ZNF512B: variants seen among roughly 807,000 people sequenced by gnomAD.
ZNF512B encodes the protein zinc finger protein 512B.
Under a neutral mutation model 87.8 loss-of-function variants are expected in ZNF512B, and 22 were observed. That is an observed-to-expected ratio of 0.25 (90% CI 0.18 to 0.36). The LOEUF (loss-of-function observed/expected upper bound fraction) is 0.36. ZNF512B is among the 10% of genes least tolerant of loss of function. The pLI is 1.00. For missense variants in ZNF512B, 1,060 were observed against 1,231.6 expected, an observed-to-expected ratio of 0.86 and a Z score of 2.09; for synonymous variants, 524 against 490.9, an observed-to-expected ratio of 1.07 and a Z score of -0.89.
chr20:63,967,937 A>G lies in ZNF512B; in HGVS notation c.14T>C (p.Phe5Ser), dbSNP rs778794485. Residue 5 changes from phenylalanine (F) to serine (S), a missense_variant, in exon 2 of 17, where the codon TTC becomes TCC. Physicochemically the swap from Phe to Ser is radical, Grantham distance 155 (BLOSUM62 -2). This residue lies in a region of ZNF512B where 134 missense variants were observed against 153.6 expected (regional missense o/e 0.87). Transcript: ENST00000369888. MTDP[F>S]CVGGRRLPGS... ...CGGGAGCCGACGGCCTCCAACGCAG[A>G]AAGGATCCGTCATCTCTGCAGAGCA... is the stretch of plus-strand genomic sequence containing the variant. 8 of 1,610,926 alleles carry G rather than the reference A, an allele frequency of 5.0e-6. No individual in the cohort carries two copies. The highest frequency in any genetic ancestry group is 5.9e-6 in the Non-Finnish European group (7 of 1,178,422).
At chr20:63,962,425 C>G in intron 13 of ZNF512B, 51 bp from the exon 14 acceptor site, 2 of 1,575,952 alleles carry the variant, frequency 1.3e-6, no homozygotes, top group Non-Finnish European at 1.7e-6. Context: ...GACACCCCAG[C>G]TGCTCTAAGA....
At position 63,961,160 on chromosome 20, in the gene ZNF512B, G is replaced by C. The variant is rs1397834679; in HGVS notation, c.2427+149C>G. ...GGGAAGCCAGACCCCACTTTGAGGAGAAACTACCAGATTTCTCCACATTGG... is the reference window on the plus strand; with the variant it reads ...GGGAAGCCAGACCCCACTTTGAGGACAAACTACCAGATTTCTCCACATTGG... On this transcript the variant is annotated intron_variant, in intron 16 of 16. Coordinates refer to ENST00000369888, the MANE Select transcript of ZNF512B (RefSeq NM_020713.3). The surrounding 1 kb of genome is among the most constrained non-coding windows in gnomAD (Gnocchi z 6.4). 9.8e-6 allele frequency: 7 copies of C among 714,436 alleles called. No individual in the cohort carries two copies. The highest frequency in any genetic ancestry group is 1.4e-5 in the Non-Finnish European group (6 of 422,176). 44.3% of individuals were successfully genotyped at this position (714,436 alleles called of 1,614,324 possible).
chr20:63,958,406 G>T lies in ZNF512B; in HGVS notation c.*1482C>A, dbSNP rs1484012082. 1.3e-5 allele frequency: 2 copies of T among 152,404 alleles called. No individual in the cohort carries two copies. The highest frequency in any genetic ancestry group is 2.4e-5 in the African/African-American group (1 of 41,440). 9.4% of individuals were successfully genotyped at this position (152,404 alleles called of 1,614,324 possible). On this transcript the variant is annotated 3_prime_UTR_variant, in exon 17 of 17. Transcript: ENST00000369888. ...GTATAAAAAACAATTTAAAAAAAAG[G>T]TTGTTACTTGTCACAGCAACAAGAC...
At chr20:63,963,071 G>C in intron 12 of ZNF512B, 24 bp downstream of exon 12, 1 of 1,530,468 alleles carries the variant, frequency 6.5e-7, no homozygotes, top group Non-Finnish European at 8.8e-7. Context: ...CAAGCACTGT[G>C]CCACAGAACA....
At chr20:63,962,448 G>T in intron 13 of ZNF512B, 74 bp from the exon 14 acceptor site, 1 of 1,552,710 alleles carries the variant, frequency 6.4e-7, no homozygotes. Context: ...ACTCGCCTCG[G>T]CAGCAGGCGA....
In ZNF512B at chr20:63,963,327, C is replaced by T. The variant is rs776375319; in HGVS notation, c.1797+15G>A. The T allele has an allele frequency of 5.9e-6, 9 of 1,538,386 alleles. No individual in the cohort carries two copies. In the Admixed American group the frequency reaches 5.9e-5, roughly 10 times the overall value. On this transcript the variant is annotated intron_variant, in intron 11 of 16. Coordinates refer to ENST00000369888, the MANE Select transcript of ZNF512B (RefSeq NM_020713.3). ...AGGGCCCCCCCACCCCACACTGCCG[C>T]GGCCCCCCACTGACCTCCTGGGGGC... is the stretch of plus-strand genomic sequence containing the variant.
In ZNF512B at chr20:63,961,570, G is replaced by A. The variant is rs1425752513; in HGVS notation, c.2329-163C>T. ...GCCACTGAGTTACCAGGGCGGCAGGGGTGGTAGGGGAGAGGAAGGGTAGGG... is the reference window on the plus strand; with the variant it reads ...GCCACTGAGTTACCAGGGCGGCAGGAGTGGTAGGGGAGAGGAAGGGTAGGG... On this transcript the variant is annotated intron_variant, in intron 15 of 16. Coordinates refer to ENST00000369888, the MANE Select transcript of ZNF512B (RefSeq NM_020713.3). This position sits in a 1 kb window ranked among gnomAD's most constrained non-coding sequence, Gnocchi z 6.4. Among the ~76,000 whole-genome samples the A allele has an allele frequency of 6.6e-6, 1 of 152,214 alleles. No homozygotes were observed. The highest frequency in any genetic ancestry group is 1.5e-5 in the Non-Finnish European group (1 of 68,036).
At chr20:63,960,586 C>A (rs1320388032) in intron 16 of ZNF512B, among the ~76,000 whole-genome samples, 3 of 125,180 alleles carry the variant, frequency 2.4e-5, no homozygotes, top group African/African-American at 9.1e-5. Context: ...CAGGCAGGCA[C>A]CTGCCGCAGG....
chr20:63,961,902 G>T lies in ZNF512B; in HGVS notation c.2328+40C>A. The T allele has an allele frequency of 6.5e-7, 1 of 1,547,806 alleles. No homozygotes were observed. The highest frequency in any genetic ancestry group is 8.7e-7 in the Non-Finnish European group (1 of 1,144,288). On this transcript the variant is annotated intron_variant, in intron 15 of 16. Transcript: ENST00000369888. The surrounding 1 kb of genome is among the most constrained non-coding windows in gnomAD (Gnocchi z 6.4). ...GCGTGGGGTGAGCTGGGAGCTCTGA[G>T]TGCAGCGCACCTGGCCGTGGGGCAG...
At chr20:63,962,069 C>G in intron 14 of ZNF512B, 65 bp from the exon 15 acceptor site, 1 of 1,500,928 alleles carries the variant, frequency 6.7e-7, no homozygotes, top group Non-Finnish European at 9.1e-7. Context: ...TATACCCCTG[C>G]CCTACCCCAG....
At chr20:63,960,257 G>A (rs1159430659) in intron 16 of ZNF512B, 118 bp from the exon 17 acceptor site, 2 of 1,438,504 alleles carry the variant, frequency 1.4e-6, no homozygotes, top group Non-Finnish European at 9.3e-7. Flanking sequence ...CCTGCAGCAG[G>A]GCTGGACACA....
chr20:63,966,611 G>A lies in ZNF512B; in HGVS notation c.564C>T (p.Val188=), dbSNP rs773169540. The part of the protein sequence containing the change: ...RPVTISRPVG[V]SKPIGVSKPV... ...GTTTGCTCACTCCGATGGGCTTGCT[G>A]ACCCCAACAGGCCGGCTGATGGTGA... The change falls in exon 5 of 17, where the codon GTC becomes GTT. Residue 188 remains valine, a synonymous_variant. Transcript: ENST00000369888. 3.7e-6 allele frequency: 6 copies of A among 1,613,484 alleles called. No homozygotes were observed. The African/African-American group carries it at 8.0e-5, about 22-fold the overall frequency.
At position 63,959,855 on chromosome 20, in the gene ZNF512B, G is replaced by A. The variant is rs575902507; in HGVS notation, c.*33C>T. 15 of 1,525,092 alleles carry A rather than the reference G, an allele frequency of 9.8e-6. No individual in the cohort carries two copies. The highest frequency in any genetic ancestry group is 3.6e-4 in the Middle Eastern group (2 of 5,516). The allele number at this position is 1,525,092 out of a possible 1,614,324, so 94.5% of individuals were successfully genotyped here. ...TGCCTTGAACAGAGGGCGGTGTGGC[G>A]GCTGCATGGGGGCCAGGCCCCACGC... On this transcript the variant is annotated 3_prime_UTR_variant, in exon 17 of 17. Coordinates refer to ENST00000369888, the MANE Select transcript of ZNF512B (RefSeq NM_020713.3).
intron 1 of ZNF512B, among the ~76,000 whole-genome samples, chr20:63,968,636 A>T (rs2058951405): frequency 1.3e-5 from 2 of 152,202 alleles, no homozygotes; most frequent in Non-Finnish European, 2.9e-5. Flanking sequence ...GTGCCGGCTG[A>T]ACTATCCTAC....
At position 63,966,382 on chromosome 20, in the gene ZNF512B, G is replaced by A; in HGVS notation, c.793C>T (p.Pro265Ser). 6.2e-7 allele frequency: 1 copy of A among 1,613,760 alleles called. No individual in the cohort carries two copies. Residue 265 changes from proline to serine, a missense_variant, in exon 5 of 17, where the codon CCG (proline) becomes TCG (serine). Pro to Ser is a moderately conservative substitution (Grantham distance 74). Coordinates refer to ENST00000369888, the MANE Select transcript of ZNF512B (RefSeq NM_020713.3). ...TKPITVTKSVPVTKPVPVTKP... is the reference protein window; with the variant it reads ...TKPITVTKSVSVTKPVPVTKP... ...GTGACAGGTACGGGTTTGGTGACCG[G>A]CACAGACTTGGTGACTGTGATGGGT...
rs1381336992 is a variant in ZNF512B, at chr20:63,963,307, C to A, written c.1797+35G>T. The stretch of plus-strand genomic sequence containing the variant: ...AGGGTGGGTGAGTGGCCAGCAGGGC[C>A]CCCCCACCCCACACTGCCGCGGCCC... On this transcript the variant is annotated intron_variant, in intron 11 of 16. Coordinates refer to ENST00000369888, the MANE Select transcript of ZNF512B (RefSeq NM_020713.3). 8 of 1,537,018 alleles carry A rather than the reference C, an allele frequency of 5.2e-6. No individual in the cohort carries two copies. In the South Asian group the frequency reaches 6.0e-5, roughly 11 times the overall value.
rs544978086 is a variant in ZNF512B at position 63,959,068 on chromosome 20, T to G, written c.*820A>C. The stretch of plus-strand genomic sequence containing the variant: ...CCTGCAGTGCCAGAAGGCTGAACAC[T>G]GGAGGAGAGCACACTCCAGGGGCCC... On this transcript the variant is annotated 3_prime_UTR_variant, in exon 17 of 17. Coordinates refer to ENST00000369888, the MANE Select transcript of ZNF512B (RefSeq NM_020713.3). 1 of 152,538 alleles carries G rather than the reference T, an allele frequency of 6.6e-6. No homozygotes were observed. The highest frequency in any genetic ancestry group is 6.5e-5 in the Admixed American group (1 of 15,274). 9.4% of individuals were successfully genotyped at this position (152,538 alleles called of 1,614,324 possible).
chr20:63,968,555 G>A (rs150880143), intron 1 of ZNF512B, among the ~76,000 whole-genome samples: 11 of 152,338 alleles, frequency 7.2e-5, no homozygotes, highest in African/African-American at 2.4e-4. Flanking sequence ...TCCAGACACA[G>A]ATGGAAAACA....
rs143832625 is a variant in ZNF512B, at chr20:63,961,404, C to T, written c.2332G>A (p.Ala778Thr). 1.9e-6 allele frequency: 3 copies of T among 1,611,214 alleles called. No homozygotes were observed. Among genetic ancestry groups the T allele is most frequent in the African/African-American group, 2.7e-5 (2 of 74,926 alleles). ...KAHLASCSKG[A>T]HLAGKYRCLL... ...CAGCGGTACTTCCCTGCCAGGTGGGCCCCCTGCAATGCATAGGCAGGCCAG... is the reference window on the plus strand; with the variant it reads ...CAGCGGTACTTCCCTGCCAGGTGGGTCCCCTGCAATGCATAGGCAGGCCAG... The change falls in exon 16 of 17, where the codon GCC (alanine) becomes ACC (threonine). Residue 778 changes from alanine to threonine, a missense_variant. This residue lies in a region of ZNF512B where 253 missense variants were observed against 259.2 expected (regional missense o/e 0.98). Transcript: ENST00000369888. This position sits in a 1 kb window ranked among gnomAD's most constrained non-coding sequence, Gnocchi z 6.4.
Sources: allele counts gnomAD v4.1 joint callset (sites outside exome capture counted in the v4.1 genomes callset), GRCh38; gene constraint gnomAD v4.1.1; regional missense constraint gnomAD v4.1.1; non-coding constraint Gnocchi (gnomAD v3.1); transcripts MANE v1.5; gene names NCBI Gene and HGNC (gene_info 2026-07-23, HGNC 2026-07-21).